SLC25A12: variants seen among roughly 807,000 people sequenced by gnomAD.
The protein encoded by SLC25A12 is solute carrier family 25 member 12.
Under a neutral mutation model 83.3 loss-of-function variants are expected in SLC25A12, and 32 were observed. The observed-to-expected ratio is 0.38, with a 90% CI of 0.29 to 0.52. SLC25A12 has a LOEUF of 0.52. Ranked by LOEUF, SLC25A12 falls within the 20% of genes least tolerant of loss-of-function variation. The pLI is 0.84. For missense variants in SLC25A12, 611 were observed against 835.6 expected, an observed-to-expected ratio of 0.73 and a Z score of 3.31; for synonymous variants, 267 against 291.1, an observed-to-expected ratio of 0.92 and a Z score of 0.84.
chr2:171,891,268 C>T (rs1685929335), intron 2 of SLC25A12, among the ~76,000 whole-genome samples: 1 of 151,736 alleles, frequency 6.6e-6, no homozygotes. Context: ...CAGTGCATTC[C>T]AGCCTGGGCG....
chr2:171,877,703 C>G (rs1360194717), intron 2 of SLC25A12, among the ~76,000 whole-genome samples: 2 of 150,324 alleles, frequency 1.3e-5, no homozygotes, highest in East Asian at 3.9e-4. Context: ...TGTATGCAAC[C>G]TATATTATTA....
chr2:171,792,438 C>T (rs1243391936), intron 14 of SLC25A12, among the ~76,000 whole-genome samples: 1 of 151,604 alleles, frequency 6.6e-6, no homozygotes, highest in Non-Finnish European at 1.5e-5. Context: ...TAGGTGTGCA[C>T]CACTGTGCCG....
intron 5 of SLC25A12, among the ~76,000 whole-genome samples, chr2:171,843,298 G>A (rs573744533): frequency 2.0e-5 from 3 of 152,162 alleles, no homozygotes; most frequent in Non-Finnish European, 4.4e-5. Flanking sequence ...CTTAGTATTA[G>A]TACACAGAAA....
chr2:171,796,073 G>C (rs899933216), intron 13 of SLC25A12, among the ~76,000 whole-genome samples: 9 of 152,146 alleles, frequency 5.9e-5, no homozygotes, highest in Admixed American at 4.6e-4. Context: ...AGCTTCCCGA[G>C]TAGCTGGGAC....
At chr2:171,867,949 A>G (rs1359250892) in intron 3 of SLC25A12, among the ~76,000 whole-genome samples, 1 of 152,042 alleles carries the variant, frequency 6.6e-6, no homozygotes, top group Non-Finnish European at 1.5e-5. Flanking sequence ...GGTTCATGAC[A>G]TTCTCCTATC....
At chr2:171,875,896 G>A (rs927530420) in intron 2 of SLC25A12, among the ~76,000 whole-genome samples, 10 of 100,902 alleles carry the variant, frequency 9.9e-5, no homozygotes, top group Non-Finnish European at 1.8e-5. Flanking sequence ...CTGGGCGAGC[G>A]CAAGACTCTG....
intron 3 of SLC25A12, among the ~76,000 whole-genome samples, chr2:171,867,073 T>C (rs1386956432): frequency 9.0e-6 from 1 of 110,762 alleles, no homozygotes; most frequent in Non-Finnish European, 1.9e-5. Context: ...TCTCAGACGA[T>C]GGGCGGCCGG....
intron 13 of SLC25A12, among the ~76,000 whole-genome samples, chr2:171,801,920 TG>T: frequency 6.7e-6 from 1 of 148,690 alleles, no homozygotes; most frequent in Non-Finnish European, 1.5e-5. Context: ...TGTGTGTGTG[TG>T]TGTGTGTGTG....
chr2:171,836,406 A>G (rs1013577023), intron 6 of SLC25A12, among the ~76,000 whole-genome samples: 1 of 152,210 alleles, frequency 6.6e-6, no homozygotes, highest in African/African-American at 2.4e-5. Flanking sequence ...TCACCACTCT[A>G]TGTGAGGAAG....
intron 4 of SLC25A12, among the ~76,000 whole-genome samples, chr2:171,853,426 A>AT (rs57379924): frequency 2.0e-5 from 3 of 151,876 alleles, no homozygotes; most frequent in Non-Finnish European, 4.4e-5. Context: ...CTGTAATCTC[A>AT]GCACTTTGGG....
At chr2:171,884,216 A>G (rs1472104864) in intron 2 of SLC25A12, among the ~76,000 whole-genome samples, 1 of 127,740 alleles carries the variant, frequency 7.8e-6, no homozygotes, top group Non-Finnish European at 1.7e-5. Context: ...CCCGAGACTG[A>G]GTCTTCCTCT....
intron 17 of SLC25A12, among the ~76,000 whole-genome samples, chr2:171,786,286 A>G (rs1166097020): frequency 1.3e-5 from 2 of 148,430 alleles, no homozygotes; most frequent in Non-Finnish European, 3.0e-5. Context: ...CAGGAGGCTG[A>G]GGCAGGAGAA....
At chr2:171,871,081 A>G (rs1685447199) in intron 2 of SLC25A12, among the ~76,000 whole-genome samples, 1 of 152,104 alleles carries the variant, frequency 6.6e-6, no homozygotes, top group Admixed American at 6.6e-5. Context: ...GCACACCTGT[A>G]CTCCCAGCTA....
At position 171,787,283 on chromosome 2, in the gene SLC25A12, C is replaced by T. The variant is rs146795259; in HGVS notation, c.1835+288G>A. The stretch of plus-strand genomic sequence containing the variant: ...GAGGCTACGGTGAGCCAAGAACATG[C>T]CACTGCACTCCAGCCTGGGCAACAG... On this transcript the variant is annotated intron_variant, in intron 17 of 17. Coordinates refer to ENST00000422440, the MANE Select transcript of SLC25A12 (RefSeq NM_003705.5). 1.4e-3 allele frequency among the ~76,000 whole-genome samples: 212 copies of T among 152,192 alleles called. 1 individual carries two copies. Among genetic ancestry groups the T allele is most frequent in the African/African-American group, 4.9e-3 (202 of 41,506 alleles).
intron 10 of SLC25A12, 36 bp from the exon 11 acceptor site, chr2:171,813,533 C>T (rs1447089879): frequency 6.2e-7 from 1 of 1,609,562 alleles, no homozygotes; most frequent in African/African-American, 1.3e-5. Context: ...TAAAAAAGAA[C>T]ACAATTAAAT....
intron 2 of SLC25A12, among the ~76,000 whole-genome samples, chr2:171,890,271 C>A (rs935552776): frequency 6.6e-6 from 1 of 152,152 alleles, no homozygotes; most frequent in East Asian, 1.9e-4. Flanking sequence ...AAGAAATACA[C>A]GGTTAGCATG....
intron 2 of SLC25A12, among the ~76,000 whole-genome samples, chr2:171,878,664 A>T (rs1685620718): frequency 6.6e-6 from 1 of 152,180 alleles, no homozygotes; most frequent in Non-Finnish European, 1.5e-5. Context: ...CTTTGTTCCA[A>T]CTGAGATGAA....
chr2:171,818,520 C>T (rs1384350351), intron 9 of SLC25A12, among the ~76,000 whole-genome samples: 1 of 151,524 alleles, frequency 6.6e-6, no homozygotes, highest in African/African-American at 2.4e-5. Flanking sequence ...GCAGTAATCC[C>T]AGCACTTTGG....
chr2:171,888,534 C>T (rs571503378), intron 2 of SLC25A12, among the ~76,000 whole-genome samples: 243 of 152,206 alleles, frequency 1.6e-3, no homozygotes, highest in African/African-American at 5.7e-3. Flanking sequence ...CCCCGCTTCC[C>T]GGGTTCAAGC....
Sources: gnomAD v4.1 joint callset for allele counts (sites outside exome capture counted in the v4.1 genomes callset) on GRCh38, gnomAD v4.1.1 for gene constraint, MANE v1.5 for transcripts, NCBI Gene and HGNC (gene_info 2026-07-23, HGNC 2026-07-21) for gene names.